The following TBC1D1 variants were observed in gnomAD, a reference collection of about 807,000 sequenced individuals.
TBC1D1 encodes TBC1 (tre-2/USP6, BUB2, cdc16) domain family, member 1.
A neutral mutation model predicts 125.6 loss-of-function variants in TBC1D1; 89 were observed. The ratio of observed to expected loss-of-function variants is 0.71; its 90% CI spans 0.60 to 0.85. TBC1D1 has a LOEUF of 0.85. Ranked by LOEUF, TBC1D1 falls within the 40% of genes least tolerant of loss-of-function variation. TBC1D1 has a pLI of 0.00. For missense variants in TBC1D1, 1,377 were observed against 1,469.2 expected (o/e 0.94, Z 1.03); for synonymous variants, 565 against 564.1 (o/e 1.00, Z -0.02).
In TBC1D1 at chr4:38,016,463, T is replaced by C. The variant is rs192197931; in HGVS notation, c.882+1490T>C. On this transcript the variant is annotated intron_variant, in intron 3 of 19. Transcript: ENST00000261439. ...TGCTTCCTTTAGGTCTCTGCTGAAA[T>C]GTTGACATGGAGGAATAATCGTATC... Among the ~76,000 whole-genome samples the C allele has an allele frequency of 3.0e-3, 450 of 152,328 alleles. 1 individual carries two copies. The highest frequency in any genetic ancestry group is 5.2e-3 in the Non-Finnish European group (357 of 68,022).
chr4:38,087,365 T>A (rs1757665106), intron 12 of TBC1D1, among the ~76,000 whole-genome samples: 1 of 152,200 alleles, frequency 6.6e-6, no homozygotes, highest in Non-Finnish European at 1.5e-5. Flanking sequence ...CAGCCTCTAC[T>A]GTTAGGAATG....
At chr4:37,964,873 C>T (rs993676537) in intron 2 of TBC1D1, among the ~76,000 whole-genome samples, 8 of 152,256 alleles carry the variant, frequency 5.3e-5, no homozygotes, top group Admixed American at 5.2e-4. Context: ...AAAGGCCAAG[C>T]TCCTTCCCTG....
intron 2 of TBC1D1, among the ~76,000 whole-genome samples, chr4:37,921,109 CAAAAA>C (rs1188232681): frequency 0.34 from 23,857 of 70,022 alleles, 1,596 homozygotes; most frequent in Non-Finnish European, 0.43. Context: ...GACTCCGTCT[CAAAAA>C]AAAAAAAAAA....
intron 2 of TBC1D1, among the ~76,000 whole-genome samples, chr4:37,909,489 T>C (rs1234456167): frequency 6.6e-6 from 1 of 152,234 alleles, no homozygotes; most frequent in East Asian, 1.9e-4. Context: ...GAGTCTGGCT[T>C]CAATTGCATC....
intron 2 of TBC1D1, among the ~76,000 whole-genome samples, chr4:37,924,110 T>C (rs1346010649): frequency 6.6e-6 from 1 of 152,046 alleles, no homozygotes; most frequent in African/African-American, 2.4e-5. Context: ...ACCCTACACC[T>C]TGCTGGCTCC....
At position 37,902,496 on chromosome 4, in the gene TBC1D1, C is replaced by A. The variant is rs371184104; in HGVS notation, c.401C>A (p.Ala134Asp). The A allele has an allele frequency of 9.4e-6, 15 of 1,596,804 alleles. No homozygotes were observed. Among genetic ancestry groups the A allele is most frequent in the Non-Finnish European group, 1.3e-5 (15 of 1,170,220 alleles). Residue 134 changes from alanine (A) to aspartate (D), a missense_variant, in exon 2 of 20, where the codon GCC (alanine) becomes GAC (aspartate). Transcript: ENST00000261439. The stretch of plus-strand genomic sequence containing the variant: ...CAGAGTATCTGCTATGTGTTCAAAG[C>A]CGATGATCAAACAAAAGTAAGTGAG...
intron 5 of TBC1D1, 71 bp downstream of exon 5, chr4:38,020,766 G>T (rs1056558125): frequency 1.5e-6 from 2 of 1,344,536 alleles, no homozygotes; most frequent in East Asian, 2.4e-5. Flanking sequence ...TGATTTTTCT[G>T]TCCTTAGGGA....
Position 38,049,731 on chromosome 4 carries a change from A to G in TBC1D1, c.1743A>G (p.Pro581=). 6.2e-7 allele frequency: 1 copy of G among 1,614,176 alleles called. No homozygotes were observed. Among genetic ancestry groups the G allele is most frequent in the Non-Finnish European group, 8.5e-7 (1 of 1,180,030 alleles). ...CGGAGAGTCATCTCCCAGAAGAGCCAGCTCCGCTGTCGCCCCAGCAGGCCT... is the reference window on the plus strand; with the variant it reads ...CGGAGAGTCATCTCCCAGAAGAGCCGGCTCCGCTGTCGCCCCAGCAGGCCT... The change falls in exon 11 of 20, where the codon CCA becomes CCG. Residue 581 remains proline (P), a synonymous_variant. Transcript: ENST00000261439.
intron 12 of TBC1D1, among the ~76,000 whole-genome samples, chr4:38,080,128 G>T (rs1272783393): frequency 6.6e-6 from 1 of 152,196 alleles, no homozygotes; most frequent in Non-Finnish European, 1.5e-5. Flanking sequence ...CCCGTAGACT[G>T]AACTCATGGT....
intron 2 of TBC1D1, among the ~76,000 whole-genome samples, chr4:37,915,191 T>C (rs1248820066): frequency 6.6e-6 from 1 of 152,160 alleles, no homozygotes; most frequent in East Asian, 1.9e-4. Flanking sequence ...TTCTTGAGGA[T>C]GTACTCTTCC....
intron 18 of TBC1D1, among the ~76,000 whole-genome samples, chr4:38,126,379 T>C (rs1764654965): frequency 6.6e-6 from 1 of 152,230 alleles, no homozygotes. Flanking sequence ...AAATCCTTAC[T>C]CTGGAGATTT....
chr4:37,909,355 T>G (rs1718054078), intron 2 of TBC1D1, among the ~76,000 whole-genome samples: 1 of 152,250 alleles, frequency 6.6e-6, no homozygotes. Flanking sequence ...AACCTTATTT[T>G]TGAGTGTCGC....
chr4:37,972,103 A>G (rs1272193875), intron 2 of TBC1D1, among the ~76,000 whole-genome samples: 1 of 152,186 alleles, frequency 6.6e-6, no homozygotes, highest in African/African-American at 2.4e-5. Context: ...GCTGGAAACT[A>G]TCAGTGTCTT....
chr4:38,137,206 G>A lies in TBC1D1; in HGVS notation c.3378G>A (p.Lys1126=). 4 of 1,613,078 alleles carry A rather than the reference G, an allele frequency of 2.5e-6. No individual in the cohort carries two copies. Among genetic ancestry groups the A allele is most frequent in the Non-Finnish European group, 3.4e-6 (4 of 1,180,042 alleles). Residue 1126 remains lysine, a synonymous_variant, in exon 20 of 20, where the codon AAG becomes AAA. Coordinates refer to ENST00000261439, the MANE Select transcript of TBC1D1 (RefSeq NM_015173.4). ...TCCTGAGCAGTGAGAGCAAGCTGAA[G>A]CAGGCCATGCTTACCTTAGAACTGG...
intron 15 of TBC1D1, 68 bp downstream of exon 17, chr4:38,103,225 G>C (rs997001303): frequency 6.6e-7 from 1 of 1,519,556 alleles, no homozygotes. Flanking sequence ...TGAAGAGACT[G>C]TCCAAGTTAT....
intron 2 of TBC1D1, among the ~76,000 whole-genome samples, chr4:37,969,485 G>A (rs893257017): frequency 6.6e-6 from 1 of 152,166 alleles, no homozygotes; most frequent in Non-Finnish European, 1.5e-5. Context: ...TGAGATTACA[G>A]GCATCCACTA....
intron 8 of TBC1D1, among the ~76,000 whole-genome samples, chr4:38,037,430 C>T (rs1266843151): frequency 2.0e-5 from 3 of 152,016 alleles, no homozygotes; most frequent in African/African-American, 7.2e-5. Flanking sequence ...CTGCCCTAAT[C>T]CCCTGATGAG....
intron 2 of TBC1D1, among the ~76,000 whole-genome samples, chr4:37,946,840 G>A (rs1439023321): frequency 1.3e-5 from 2 of 152,138 alleles, no homozygotes; most frequent in Non-Finnish European, 2.9e-5. Context: ...ACTGCCTCAG[G>A]ACTCCTTTCC....
At chr4:38,113,457 G>A (rs1343438207) in intron 15 of TBC1D1, among the ~76,000 whole-genome samples, 1 of 152,210 alleles carries the variant, frequency 6.6e-6, no homozygotes, top group East Asian at 1.9e-4. Context: ...TAACATGAGA[G>A]GGTATCTGAT....
Sources: gnomAD v4.1 joint callset for allele counts (sites outside exome capture counted in the v4.1 genomes callset) on GRCh38, gnomAD v4.1.1 for gene constraint, MANE v1.5 for transcripts, NCBI Gene and HGNC (gene_info 2026-07-23, HGNC 2026-07-21) for gene names.